The following CCDC15 variants were observed in gnomAD, a reference collection of about 807,000 sequenced individuals.
The protein encoded by CCDC15 is coiled-coil domain containing 15.
In CCDC15, 105 loss-of-function variants were observed where a neutral mutation model predicts 114.5. That is an observed-to-expected ratio of 0.92 (90% confidence interval 0.78 to 1.08). The LOEUF is 1.08. Among genes scored for constraint, CCDC15 ranks in the 50% least tolerant of loss-of-function variants. The pLI, the probability that CCDC15 is intolerant of heterozygous loss-of-function variation, is 0.00. For missense variants in CCDC15, 1,105 were observed against 1,093.6 expected (o/e 1.01, Z -0.15); for synonymous variants, 334 against 377.8 (o/e 0.88, Z 1.34).
chr11:125,028,792 T>C (rs1948720827), intron 13 of CCDC15, among the ~76,000 whole-genome samples: 1 of 152,224 alleles, frequency 6.6e-6, no homozygotes. Context: ...TTTCTTTCTC[T>C]TGCCCGATCA....
intron 14 of CCDC15, 51 bp from the exon 15 acceptor site, chr11:125,038,870 T>C (rs931034527): frequency 7.7e-6 from 12 of 1,561,766 alleles, no homozygotes; most frequent in Non-Finnish European, 1.1e-5. Context: ...GGATTCATAC[T>C]CACTTTCTTT....
Position 124,987,890 on chromosome 11 carries a change from C to T in CCDC15, c.1664C>T (p.Pro555Leu). Residue 555 changes from proline to leucine, a missense_variant, in exon 8 of 16, where the codon CCC becomes CTC. Transcript: ENST00000344762. ...HVLPKDWNIL[P>L]KCQDQDFLPR... is the part of the protein sequence containing the mutation. ...CTCCCCAAAGACTGGAATATTCTAC[C>T]CAAATGTCAGGACCAGGATTTTCTA... 6.2e-7 allele frequency: 1 copy of T among 1,613,700 alleles called. No individual in the cohort carries two copies. Among genetic ancestry groups the T allele is most frequent in the African/African-American group, 1.3e-5 (1 of 74,936 alleles).
chr11:124,954,586 C>A, intron 1 of CCDC15, 138 bp from the exon 2 acceptor site: 1 of 633,490 alleles, frequency 1.6e-6, no homozygotes. Flanking sequence ...TCTCTAGAAT[C>A]CGTGTGTTTC....
chr11:124,991,728 G>A (rs1288591889), intron 9 of CCDC15, 145 bp downstream of exon 9: 3 of 708,928 alleles, frequency 4.2e-6, no homozygotes, highest in Non-Finnish European at 6.5e-6. Context: ...CTGTCGCCCA[G>A]GCTGGAGTGC....
intron 6 of CCDC15, among the ~76,000 whole-genome samples, chr11:124,985,644 C>CT (rs35076605): frequency 0.41 from 62,172 of 151,554 alleles, 13,979 homozygotes; most frequent in African/African-American, 0.6. Flanking sequence ...GATAAAATGT[C>CT]ATGCATGTGC....
intron 4 of CCDC15, 135 bp downstream of exon 4, chr11:124,960,138 T>TCC (rs1565352802): frequency 1.3e-4 from 58 of 440,802 alleles, no homozygotes; most frequent in African/African-American, 1.2e-3. Context: ...CATCCCCCTT[T>TCC]TTTTTTTTTT....
At chr11:125,004,750 AG>A (rs1254856512) in intron 12 of CCDC15, among the ~76,000 whole-genome samples, 1 of 152,050 alleles carries the variant, frequency 6.6e-6, no homozygotes, top group Non-Finnish European at 1.5e-5. Flanking sequence ...AATTTTGAAA[AG>A]TTAAAGTAAC....
Position 124,987,736 on chromosome 11 carries a change from C to T in CCDC15, c.1510C>T (p.Pro504Ser), listed in dbSNP as rs1383276396. ...AAAATATCAGGACCAGAATTTTCTA[C>T]CTAAGGACCAGAATTTTTTGTCTAG... ...LPKYQDQNFL[P>S]KDQNFLSRDQ... Residue 504 changes from proline (P) to serine (S), a missense_variant, in exon 8 of 16, where the codon CCT (proline) becomes TCT (serine). Physicochemically the swap from Pro to Ser is moderately conservative, Grantham distance 74. Transcript: ENST00000344762. The T allele has an allele frequency of 2.5e-6, 4 of 1,613,814 alleles. No homozygotes were observed. The African/African-American group carries it at 4.0e-5, about 16-fold the overall frequency.
In CCDC15 at chr11:124,986,779, C is replaced by T. The variant is rs1948172093; in HGVS notation, c.791C>T (p.Ser264Leu). The change falls in exon 7 of 16, where the codon TCA (serine) becomes TTA (leucine). Residue 264 changes from serine to leucine, a missense_variant. Coordinates refer to ENST00000344762, the MANE Select transcript of CCDC15 (RefSeq NM_025004.3). Reference protein sequence around the residue: ...DYEEPDYEESSSLVTDEKGKE... With the variant: ...DYEEPDYEESLSLVTDEKGKE... ...GAGGAACCTGACTATGAGGAATCTT[C>T]ATCTCTTGTAACTGATGAGAAAGGG... The T allele has an allele frequency of 4.5e-6, 7 of 1,549,058 alleles. No homozygotes were observed. Among genetic ancestry groups the T allele is most frequent in the Non-Finnish European group, 6.1e-6 (7 of 1,145,958 alleles).
chr11:124,985,775 T>A (rs1948148338), intron 6 of CCDC15, among the ~76,000 whole-genome samples: 1 of 151,546 alleles, frequency 6.6e-6, no homozygotes, highest in South Asian at 2.1e-4. Context: ...ACAAGTTCCT[T>A]ATCAGATAGT....
chr11:125,000,839 T>C (rs1465749347), intron 11 of CCDC15, among the ~76,000 whole-genome samples: 1 of 152,192 alleles, frequency 6.6e-6, no homozygotes, highest in Non-Finnish European at 1.5e-5. Context: ...TACTGAATTT[T>C]TGCTCCTAGG....
Position 125,000,568 on chromosome 11 carries a change from G to A in CCDC15, c.2215-3299G>A, listed in dbSNP as rs142592355. On this transcript the variant is annotated intron_variant, in intron 11 of 15. Coordinates refer to ENST00000344762, the MANE Select transcript of CCDC15 (RefSeq NM_025004.3). ...CATAGTGTGCTTCGTCATTAGTACT[G>A]GGAGTCCAGTTTTCTTTATTGAAAA... 8.9e-3 allele frequency among the ~76,000 whole-genome samples: 1,358 copies of A among 152,260 alleles called. 17 individuals are homozygous for A. The highest frequency in any genetic ancestry group is 0.031 in the African/African-American group (1,274 of 41,540).
At chr11:125,021,367 G>T (rs984886038) in intron 13 of CCDC15, among the ~76,000 whole-genome samples, 3 of 151,714 alleles carry the variant, frequency 2.0e-5, no homozygotes, top group Non-Finnish European at 4.4e-5. Flanking sequence ...CTTCATTATT[G>T]TTCCCCTATT....
Position 125,040,942 on chromosome 11 carries a change from A to C in CCDC15, c.*231A>C, listed in dbSNP as rs1387519184. On this transcript the variant is annotated 3_prime_UTR_variant, in exon 16 of 16. Coordinates refer to ENST00000344762, the MANE Select transcript of CCDC15 (RefSeq NM_025004.3). The stretch of plus-strand genomic sequence containing the variant: ...AACCATACGGAGCCTATTATTTTAA[A>C]ATATGATCAGACAAGTAAGGCTTCT... 2 of 460,564 alleles carry C rather than the reference A, an allele frequency of 4.3e-6. No homozygotes were observed. The highest frequency in any genetic ancestry group is 3.9e-6 in the Non-Finnish European group (1 of 258,508). The allele number at this position is 460,564 out of a possible 1,614,324, so 28.5% of individuals were successfully genotyped here.
intron 6 of CCDC15, among the ~76,000 whole-genome samples, chr11:124,982,315 G>T (rs986942242): frequency 1.3e-5 from 2 of 152,168 alleles, no homozygotes; most frequent in Non-Finnish European, 2.9e-5. Flanking sequence ...GGTGTGTGCA[G>T]ATTTGATCCT....
chr11:125,018,365 G>A (rs989059191), intron 13 of CCDC15, among the ~76,000 whole-genome samples: 2 of 152,010 alleles, frequency 1.3e-5, no homozygotes, highest in Non-Finnish European at 2.9e-5. Context: ...GCCTGGTTGT[G>A]TATAGGCTAT....
chr11:125,034,225 G>A (rs774951685), intron 13 of CCDC15, among the ~76,000 whole-genome samples: 70 of 152,170 alleles, frequency 4.6e-4, no homozygotes, highest in Non-Finnish European at 6.6e-4. Flanking sequence ...GTTTCTTCCG[G>A]CAAAAAAAAT....
At chr11:124,994,786 A>T (rs1397248172) in intron 11 of CCDC15, among the ~76,000 whole-genome samples, 1 of 152,122 alleles carries the variant, frequency 6.6e-6, no homozygotes, top group South Asian at 2.1e-4. Flanking sequence ...GCCTACTAAG[A>T]TTTTTCCGTG....
intron 13 of CCDC15, among the ~76,000 whole-genome samples, chr11:125,013,562 TAGA>T (rs1948609925): frequency 6.6e-6 from 1 of 152,150 alleles, no homozygotes; most frequent in Non-Finnish European, 1.5e-5. Flanking sequence ...ATTTAAGAAG[TAGA>T]ATCCATAGAT....
Sources: gnomAD v4.1 joint callset for allele counts (sites outside exome capture counted in the v4.1 genomes callset) on GRCh38, gnomAD v4.1.1 for gene constraint, MANE v1.5 for transcripts, NCBI Gene and HGNC (gene_info 2026-07-23, HGNC 2026-07-21) for gene names.